CENPF: variants seen among roughly 807,000 people sequenced by gnomAD.
CENPF encodes AH antigen.
CENPF carries 214 observed loss-of-function variants against 307.3 expected under a neutral mutation model. That is an observed-to-expected ratio of 0.70 (90% confidence interval 0.62 to 0.78). The LOEUF (loss-of-function observed/expected upper bound fraction) is 0.78. CENPF is among the 30% of genes least tolerant of loss of function. CENPF has a pLI of 0.00. For missense variants in CENPF, 3,401 were observed against 3,483.9 expected, an observed-to-expected ratio of 0.98 and a Z score of 0.60; for synonymous variants, 1,259 against 1,270.6, an observed-to-expected ratio of 0.99 and a Z score of 0.19.
At chr1:214,662,155 CTG>C (rs1474025062) in intron 19 of CENPF, among the ~76,000 whole-genome samples, 1 of 151,752 alleles carries the variant, frequency 6.6e-6, no homozygotes. Flanking sequence ...TATGGGCTAT[CTG>C]TCTCTCTCTT....
In CENPF at chr1:214,642,210, G is replaced by A; in HGVS notation, c.3872G>A (p.Cys1291Tyr). ...TSQNDNAHLQ[C>Y]SLQTTMNKLN... ...CAAAACGACAATGCACACCTTCAGT[G>A]CTCTCTGCAAACAACAATGAACAAG... The change falls in exon 12 of 20, where the codon TGC becomes TAC. Residue 1291 changes from cysteine (C) to tyrosine (Y), a missense_variant. Transcript: ENST00000366955. 2 of 1,614,122 alleles carry A rather than the reference G, an allele frequency of 1.2e-6. No homozygotes were observed. Among genetic ancestry groups the A allele is most frequent in the Non-Finnish European group, 1.7e-6 (2 of 1,180,008 alleles).
intron 1 of CENPF, chr1:214,608,249 CCGG>C (rs1258658545): frequency 6.7e-7 from 1 of 1,487,136 alleles, no homozygotes; most frequent in Non-Finnish European, 9.0e-7. Flanking sequence ...AGCCCGCCCC[CCGG>C]CCCCCGGCCT....
chr1:214,612,212 TTTCTGCATGAGATAA>T (rs1336103500), intron 1 of CENPF, among the ~76,000 whole-genome samples: 1 of 152,226 alleles, frequency 6.6e-6, no homozygotes, highest in African/African-American at 2.4e-5. Context: ...AATGAAAGCT[TTTCTGCATGAGATAA>T]TCATGTCATT....
intron 7 of CENPF, among the ~76,000 whole-genome samples, chr1:214,624,034 A>T (rs966523556): frequency 4.2e-5 from 6 of 143,348 alleles, no homozygotes; most frequent in African/African-American, 1.5e-4. Flanking sequence ...GTAGATTCAT[A>T]TGCAGTTGTA....
chr1:214,662,071 G>C (rs1658800412), intron 19 of CENPF, among the ~76,000 whole-genome samples: 1 of 152,080 alleles, frequency 6.6e-6, no homozygotes, highest in Non-Finnish European at 1.5e-5. Flanking sequence ...GTCTAGAGGG[G>C]AGAAGCCAGA....
intron 9 of CENPF, 149 bp from the exon 10 acceptor site, chr1:214,632,331 C>A: frequency 2.7e-6 from 2 of 736,230 alleles, no homozygotes; most frequent in Non-Finnish European, 4.2e-6. Flanking sequence ...TATTTTAAGA[C>A]ATATTTAGCT....
rs763058608 is a variant in CENPF, at chr1:214,642,437, G to C, written c.4099G>C (p.Gly1367Arg). 1 of 1,594,860 alleles carries C rather than the reference G, an allele frequency of 6.3e-7. No homozygotes were observed. The highest frequency in any genetic ancestry group is 1.3e-5 in the African/African-American group (1 of 74,280). ...TGAGTTAGTGGAAGACATACCAGGA[G>C]GTGAATTTGGTGAACAACCAAATGA... ...HGELVEDIPG[G>R]EFGEQPNEQH... The change falls in exon 12 of 20, where the codon GGT (glycine) becomes CGT (arginine). Residue 1367 changes from glycine to arginine, a missense_variant. Physicochemically the swap from Gly to Arg is moderately radical, Grantham distance 125. Transcript: ENST00000366955.
Position 214,647,304 on chromosome 1 carries a change from T to C in CENPF, c.7734T>C (p.Ser2578=). 6.2e-7 allele frequency: 1 copy of C among 1,614,016 alleles called. No homozygotes were observed. The highest frequency in any genetic ancestry group is 8.5e-7 in the Non-Finnish European group (1 of 1,179,958). ...KIQVLQSKNA[S]LQDTLEVLQS... is the part of the protein sequence containing the mutation. ...AAGTGCTACAATCCAAAAATGCCTC[T>C]TTGCAGGACACATTAGAAGTGCTGC... Residue 2578 remains serine (S), a synonymous_variant, in exon 13 of 20, where the codon TCT becomes TCC. Transcript: ENST00000366955.
Position 214,641,666 on chromosome 1 carries a change from CTG to C in CENPF, c.3329_3330del (p.Leu1110GlnfsTer3). On this transcript the variant is annotated frameshift_variant, in exon 12 of 20. Transcript: ENST00000366955. LOFTEE classifies it high-confidence loss of function. ...MLELETVQQA[L>X]RSEMTDNQNN... ...AGAGTTGGAGACAGTGCAGCAAGCT[CTG>C]AGATCTGAGATGACAGATAACCAAA... The C allele has an allele frequency of 1.3e-6, 2 of 1,580,134 alleles. No individual in the cohort carries two copies. Among genetic ancestry groups the C allele is most frequent in the Non-Finnish European group, 8.6e-7 (1 of 1,166,092 alleles).
chr1:214,630,460 G>A, intron 8 of CENPF, 74 bp from the exon 9 acceptor site: 2 of 1,574,574 alleles, frequency 1.3e-6, no homozygotes, highest in Non-Finnish European at 1.7e-6. Flanking sequence ...CGCCTGTTAG[G>A]ATGCTCATGC....
chr1:214,615,823 C>A (rs1357826642), intron 3 of CENPF, among the ~76,000 whole-genome samples: 4 of 152,022 alleles, frequency 2.6e-5, no homozygotes. Context: ...CCTCTAATCT[C>A]AGCTACTCAG....
At chr1:214,628,914 C>T (rs1657729917) in intron 7 of CENPF, 132 bp from the exon 8 acceptor site, 1 of 635,322 alleles carries the variant, frequency 1.6e-6, no homozygotes, top group African/African-American at 1.9e-5. Context: ...TAATGCTTTA[C>T]ATCCTTGCTA....
chr1:214,607,202 C>G (rs1232937190), intron 1 of CENPF, among the ~76,000 whole-genome samples: 3 of 152,254 alleles, frequency 2.0e-5, no homozygotes, highest in African/African-American at 7.2e-5. Flanking sequence ...GAGCCCCCAG[C>G]TGCCACCTGG....
At chr1:214,606,819 C>A (rs1171586618) in intron 1 of CENPF, among the ~76,000 whole-genome samples, 1 of 152,208 alleles carries the variant, frequency 6.6e-6, no homozygotes, top group African/African-American at 2.4e-5. Context: ...GTTACAAGGC[C>A]TCCTCGTGCC....
At position 214,622,268 on chromosome 1, in the gene CENPF, A is replaced by G. The variant is rs6697155; in HGVS notation, c.1055A>G (p.Gln352Arg). 3.8e-4 allele frequency: 612 copies of G among 1,609,590 alleles called. 2 individuals carry two copies. The African/African-American group carries it at 6.7e-3, about 18-fold the overall frequency. ...ELVRTTAQYD[Q>R]ASTKYTALEQ... ...GTGAGAACAACAGCACAATACGACC[A>G]GGCGTCAACCAAGGTACTTGACTTT... is the stretch of plus-strand genomic sequence containing the variant. The change falls in exon 7 of 20, where the codon CAG (glutamine) becomes CGG (arginine). Residue 352 changes from glutamine to arginine, a missense_variant. By Grantham distance (43) the Gln-to-Arg change is conservative. Transcript: ENST00000366955.
At chr1:214,616,966 T>TTCCC (rs1260955318) in intron 3 of CENPF, among the ~76,000 whole-genome samples, 6 of 122,894 alleles carry the variant, frequency 4.9e-5, no homozygotes, top group Non-Finnish European at 8.6e-5. Context: ...CCTTCCCTCC[T>TTCCC]TCCCTCCCTC....
In CENPF at chr1:214,648,805, T is replaced by C; in HGVS notation, c.7961T>C (p.Leu2654Ser). 6.2e-7 allele frequency: 1 copy of C among 1,613,708 alleles called. No individual in the cohort carries two copies. Among genetic ancestry groups the C allele is most frequent in the Non-Finnish European group, 8.5e-7 (1 of 1,179,816 alleles). ...CTAGCTGGAGAGTTGCAGTTACTGT[T>C]GGAAGAAATAAAGAGCAGCAAAGTA... ...NRLAGELQLL[L>S]EEIKSSKDQL... The change falls in exon 14 of 20, where the codon TTG becomes TCG. Residue 2654 changes from leucine to serine, a missense_variant. Leu to Ser is a moderately radical substitution (Grantham distance 145). Transcript: ENST00000366955.
intron 7 of CENPF, among the ~76,000 whole-genome samples, chr1:214,628,481 T>A (rs1314175589): frequency 6.6e-6 from 1 of 152,178 alleles, no homozygotes; most frequent in Admixed American, 6.5e-5. Context: ...CTCGCTCTAA[T>A]TGCCCAGGCT....
chr1:214,645,498 A>G lies in CENPF; in HGVS notation c.5928A>G (p.Ala1976=). Residue 1976 remains alanine, a synonymous_variant, in exon 13 of 20, where the codon GCA becomes GCG. Transcript: ENST00000366955. ...ATACTATGTCAAAAAAAACCACGGC[A>G]CTGGATCAGTTGTCTGAAAAAATGA... ...ELDTMSKKTT[A]LDQLSEKMKE... is the part of the protein sequence containing the mutation. 1 of 1,614,140 alleles carries G rather than the reference A, an allele frequency of 6.2e-7. No individual in the cohort carries two copies. The highest frequency in any genetic ancestry group is 1.3e-5 in the African/African-American group (1 of 75,062).
Sources: gnomAD v4.1 joint callset for allele counts (sites outside exome capture counted in the v4.1 genomes callset) on GRCh38, gnomAD v4.1.1 for gene constraint, MANE v1.5 for transcripts, NCBI Gene and HGNC (gene_info 2026-07-23, HGNC 2026-07-21) for gene names.